SYN3: variants seen among roughly 807,000 people sequenced by gnomAD.
SYN3 encodes synapsin III.
In SYN3, 35 loss-of-function variants were observed where a neutral mutation model predicts 65.8. The observed-to-expected ratio is 0.53, with a 90% CI of 0.41 to 0.70. The LOEUF (loss-of-function observed/expected upper bound fraction) is 0.70. Among genes scored for constraint, SYN3 ranks in the 30% least tolerant of loss-of-function variants. The pLI, the probability that SYN3 is intolerant of heterozygous loss-of-function variation, is 0.00. For synonymous variants in SYN3, 270 were observed against 292.9 expected, an observed-to-expected ratio of 0.92 and a Z score of 0.80; for missense variants, 680 against 749.0, an observed-to-expected ratio of 0.91 and a Z score of 1.08.
rs2057656863 is a variant in SYN3, at chr22:32,508,477, GGT to G, written c.*5213_*5214del. Among the ~76,000 whole-genome samples, 1 of 152,136 alleles carries G rather than the reference GGT, an allele frequency of 6.6e-6. No individual in the cohort carries two copies. The highest frequency in any genetic ancestry group is 2.4e-5 in the African/African-American group (1 of 41,424). On this transcript the variant is annotated 3_prime_UTR_variant, in exon 14 of 14. Coordinates refer to ENST00000358763, the MANE Select transcript of SYN3 (RefSeq NM_003490.4). ...GTTGCTCACACAAAGCCTGTTTAGT[GGT>G]CTCTTCACACAGACGCGCATGAAAG...
At chr22:33,054,491 C>T (rs990720845) in intron 1 of SYN3, among the ~76,000 whole-genome samples, 4 of 152,142 alleles carry the variant, frequency 2.6e-5, no homozygotes, top group African/African-American at 7.2e-5. Context: ...TACAAACTGT[C>T]GCCTCTATCT....
chr22:33,034,464 T>A (rs968743540), intron 1 of SYN3, among the ~76,000 whole-genome samples: 6 of 151,996 alleles, frequency 3.9e-5, no homozygotes, highest in Admixed American at 3.3e-4. Context: ...GCCAGGTTGG[T>A]CTTAAACTCC....
At chr22:32,675,040 T>C (rs1346989759) in intron 6 of SYN3, among the ~76,000 whole-genome samples, 1 of 152,220 alleles carries the variant, frequency 6.6e-6, no homozygotes, top group Non-Finnish European at 1.5e-5. Context: ...AAGTTCTGTC[T>C]GAATCTAAGG....
chr22:32,681,707 A>G (rs1345721087), intron 6 of SYN3, among the ~76,000 whole-genome samples: 1 of 152,240 alleles, frequency 6.6e-6, no homozygotes, highest in African/African-American at 2.4e-5. Flanking sequence ...CTTCCTATGC[A>G]CCAGGCAGTG....
chr22:32,587,095 G>T (rs535236192), intron 7 of SYN3, among the ~76,000 whole-genome samples: 1 of 151,874 alleles, frequency 6.6e-6, no homozygotes, highest in Non-Finnish European at 1.5e-5. Flanking sequence ...GGTGGCCTGC[G>T]TCTGTAGTCC....
chr22:32,798,516 A>G (rs374773939), intron 6 of SYN3, among the ~76,000 whole-genome samples: 23 of 152,098 alleles, frequency 1.5e-4, no homozygotes, highest in African/African-American at 5.1e-4. Context: ...GAGGGTGGAT[A>G]TGAACTCACC....
At chr22:32,596,450 G>A (rs1036421406) in intron 7 of SYN3, among the ~76,000 whole-genome samples, 24 of 152,188 alleles carry the variant, frequency 1.6e-4, no homozygotes, top group African/African-American at 5.8e-4. Flanking sequence ...GCAATTCCAG[G>A]TAGGATTTGG....
At chr22:32,906,062 C>A (rs1200408913) in intron 4 of SYN3, among the ~76,000 whole-genome samples, 2 of 152,188 alleles carry the variant, frequency 1.3e-5, no homozygotes, top group Non-Finnish European at 2.9e-5. Context: ...GCAGCTGAAA[C>A]TAACTGACCC....
rs1038839177 is a variant in SYN3, at chr22:33,015,692, T to C, written c.-162-8868A>G. Among the ~76,000 whole-genome samples, 5 of 152,200 alleles carry C rather than the reference T, an allele frequency of 3.3e-5. 1 individual carries two copies. The highest frequency in any genetic ancestry group is 1.2e-4 in the African/African-American group (5 of 41,454). On this transcript the variant is annotated intron_variant, in intron 1 of 13. Transcript: ENST00000358763. Reference sequence around the variant, plus strand: ...GATAGCAATTTAGCTATACTACCGATTATAAATTAATGAGCACCGAATTTT... The same window carrying C: ...GATAGCAATTTAGCTATACTACCGACTATAAATTAATGAGCACCGAATTTT...
chr22:32,599,320 T>G (rs887574731), intron 6 of SYN3, among the ~76,000 whole-genome samples: 2 of 147,308 alleles, frequency 1.4e-5, no homozygotes, highest in African/African-American at 2.7e-5. Context: ...AAGCCCCTGA[T>G]GTACTTTTTT....
intron 4 of SYN3, among the ~76,000 whole-genome samples, chr22:32,897,502 C>T (rs150412960): frequency 1.8e-3 from 280 of 152,298 alleles, no homozygotes; most frequent in Non-Finnish European, 2.9e-3. Context: ...GCTTCCCCGC[C>T]GGCCTCCCAT....
In SYN3 at chr22:33,028,609, G is replaced by A. The variant is rs1020392616; in HGVS notation, c.-162-21785C>T. Among the ~76,000 whole-genome samples, 3 of 135,110 alleles carry A rather than the reference G, an allele frequency of 2.2e-5. No individual in the cohort carries two copies. The East Asian group carries it at 7.5e-4, about 34-fold the overall frequency. The allele number at this position is 135,110 out of a possible 152,430, so 88.6% of individuals were successfully genotyped here. On this transcript the variant is annotated intron_variant, in intron 1 of 13. Transcript: ENST00000358763. ...GGGATTAAGCAGCAAGGAGGGGCTG[G>A]CACAGCCCACTAGGAAGTATAATAA...
At chr22:32,859,002 G>C in intron 6 of SYN3, 1 of 682,278 alleles carries the variant, frequency 1.5e-6, no homozygotes, top group Non-Finnish European at 2.7e-6. Flanking sequence ...GCACTTATCA[G>C]AATGTCTGTT....
intron 1 of SYN3, among the ~76,000 whole-genome samples, chr22:33,042,101 A>G (rs1320775489): frequency 1.3e-5 from 2 of 152,194 alleles, no homozygotes; most frequent in African/African-American, 2.4e-5. Flanking sequence ...TTTACAAGAA[A>G]AGACACAGAG....
intron 7 of SYN3, among the ~76,000 whole-genome samples, chr22:32,560,457 C>T (rs1410734634): frequency 6.6e-6 from 1 of 152,118 alleles, no homozygotes; most frequent in Non-Finnish European, 1.5e-5. Context: ...TGGAGTTCTC[C>T]CTAATAAGAC....
In SYN3 at chr22:32,596,722, G is replaced by T; in HGVS notation, c.726C>A (p.His242Gln). 6.2e-7 allele frequency: 1 copy of T among 1,614,038 alleles called. No homozygotes were observed. The highest frequency in any genetic ancestry group is 8.5e-7 in the Non-Finnish European group (1 of 1,179,940). Residue 242 changes from histidine (H) to glutamine (Q), a missense_variant, in exon 7 of 14, where the codon CAC (histidine) becomes CAA (glutamine). Coordinates refer to ENST00000358763, the MANE Select transcript of SYN3 (RefSeq NM_003490.4). ...GTCCCAGCTTGACTACCACCGGGAA[G>T]TGTGGGGCTGTGACCTGAAAGAGAC... The part of the protein sequence containing the change: ...PNHKPMVTAP[H>Q]FPVVVKLGHA...
At chr22:32,897,825 T>TA (rs945639611) in intron 4 of SYN3, among the ~76,000 whole-genome samples, 3 of 152,270 alleles carry the variant, frequency 2.0e-5, no homozygotes, top group East Asian at 3.9e-4. Context: ...TTTATATATA[T>TA]TTTTTTATTT....
At chr22:32,841,345 G>A (rs775834208) in intron 6 of SYN3, among the ~76,000 whole-genome samples, 10 of 152,212 alleles carry the variant, frequency 6.6e-5, no homozygotes, top group Non-Finnish European at 1.3e-4. Flanking sequence ...AAGGGATTGC[G>A]AGGAGGGGGA....
chr22:33,043,863 G>A (rs975642646), intron 1 of SYN3, among the ~76,000 whole-genome samples: 13 of 152,080 alleles, frequency 8.5e-5, no homozygotes, highest in African/African-American at 3.1e-4. Context: ...GACCATCCTG[G>A]CCAACATGGT....
Sources: allele counts gnomAD v4.1 joint callset (sites outside exome capture counted in the v4.1 genomes callset), GRCh38; gene constraint gnomAD v4.1.1; transcripts MANE v1.5; gene names NCBI Gene and HGNC (gene_info 2026-07-23, HGNC 2026-07-21).